Variants in DDX3X observed in about 807,000 individuals in gnomAD.
DDX3X encodes the protein DEAD-box helicase 3 X-linked.
DDX3X carries 4 observed loss-of-function variants against 52.7 expected under a neutral mutation model. That is an observed-to-expected ratio of 0.08 (90% CI 0.04 to 0.17). The LOEUF is 0.17. DDX3X is among the 10% of genes least tolerant of loss of function. DDX3X has a pLI of 1.00. For synonymous variants in DDX3X, 192 were observed against 178.1 expected (o/e 1.08, Z -0.62); for missense variants, 222 against 548.6 (o/e 0.40, Z 5.95).
At position 41,347,827 on chromosome X, in the gene DDX3X, G is replaced by A; in HGVS notation, c.*108G>A. The A allele has an allele frequency of 1.9e-6, 1 of 521,163 alleles. No individual in the cohort carries two copies. The highest frequency in any genetic ancestry group is 3.1e-6 in the Non-Finnish European group (1 of 320,016). 42.9% of individuals were successfully genotyped at this position (521,163 alleles called of 1,213,427 possible). On this transcript the variant is annotated 3_prime_UTR_variant, in exon 17 of 17. Transcript: ENST00000644876. The stretch of plus-strand genomic sequence containing the variant: ...TTCAAGAACTCGCAGTACATTACCA[G>A]CTGTGATTCTCCACTGAAATTTTTT...
At chrX:41,353,297 C>CAAAAAAAAAAA (rs61067509), downstream of DDX3X, among the ~76,000 whole-genome samples, 48 of 45,491 alleles carry the variant, frequency 1.1e-3, no homozygotes, top group East Asian at 1.6e-3. Flanking sequence ...ACTAAAAATA[C>CAAAAAAAAAAA]AAAAAAAAAA....
At chrX:41,343,625 A>G (rs1326875703) in intron 7 of DDX3X, 112 bp from the exon 8 acceptor site, 1 of 720,849 alleles carries the variant, frequency 1.4e-6, no homozygotes, top group Admixed American at 3.6e-5. Context: ...GGAAAACTTA[A>G]GCATAAACTA....
In DDX3X at chrX:41,342,605, A is replaced by T; in HGVS notation, c.395A>T (p.Asp132Val). 2 of 1,211,986 alleles carry T rather than the reference A, an allele frequency of 1.7e-6. No individual in the cohort carries two copies. The highest frequency in any genetic ancestry group is 2.2e-6 in the Non-Finnish European group (2 of 895,497). Residue 132 changes from aspartate to valine, a missense_variant, in exon 5 of 17, where the codon GAT becomes GTT. Physicochemically the swap from Asp to Val is radical, Grantham distance 152. This residue lies in a region of DDX3X where 93 missense variants were observed against 123.7 expected (regional missense o/e 0.75). Transcript: ENST00000644876. ...GGNSRWCDKS[D>V]EDDWSKPLPP... ...AACAGTCGCTGGTGTGACAAATCAG[A>T]TGAAGATGATTGGTCAAAACCACTC... is the stretch of plus-strand genomic sequence containing the variant.
intron 1 of DDX3X, chrX:41,334,863 C>T (rs1028485147): frequency 3.2e-6 from 2 of 626,354 alleles, no homozygotes; most frequent in African/African-American, 4.9e-5. Flanking sequence ...CGCTGTGGCT[C>T]ACCTCCGGGA....
intron 7 of DDX3X, 66 bp downstream of exon 7, chrX:41,343,417 T>G: frequency 1.9e-6 from 2 of 1,027,125 alleles, no homozygotes; most frequent in Non-Finnish European, 2.6e-6. Context: ...ATAAAATATT[T>G]TATTTTTTAT....
At chrX:41,352,113 A>T (rs1049722723), downstream of DDX3X, among the ~76,000 whole-genome samples, 1 of 108,837 alleles carries the variant, frequency 9.2e-6, no homozygotes, top group Non-Finnish European at 1.9e-5. Flanking sequence ...TGACAAATGG[A>T]TAAACTAAAT....
chrX:41,334,179 G>A lies in DDX3X; in HGVS notation c.-74G>A. The A allele has an allele frequency of 2.8e-6, 3 of 1,087,119 alleles. No homozygotes were observed. Among genetic ancestry groups the A allele is most frequent in the East Asian group, 3.1e-5 (1 of 32,119 alleles). The allele number at this position is 1,087,119 out of a possible 1,213,427, so 89.6% of individuals were successfully genotyped here. On this transcript the variant is annotated 5_prime_UTR_variant, in exon 1 of 17. It adds an upstream start codon to the 5' untranslated region. Transcript: ENST00000644876. ...TGCGCTCCAGAGCCGCAGTTCTCCC[G>A]TGAGAGGGCCTTCGCGGTGGAACAA...
At chrX:41,339,335 GTGT>G (rs2063815203) in intron 3 of DDX3X, 2 of 166,726 alleles carry the variant, frequency 1.2e-5, no homozygotes, top group South Asian at 3.0e-4. Context: ...AGTTTCACTA[GTGT>G]TGTGCTGAAT....
chrX:41,346,782 A>G, intron 14 of DDX3X, 77 bp from the exon 15 acceptor site: 1 of 1,017,222 alleles, frequency 9.8e-7, no homozygotes, highest in Non-Finnish European at 1.3e-6. Flanking sequence ...AAATATTTCT[A>G]CGTAGGAAAG....
At position 41,356,521 on chromosome X, in the gene DDX3X, C is replaced by T. The variant is rs769443705; in HGVS notation, c.655-7753C>T. Reference sequence around the variant, plus strand: ...GTTGCCAGGCTGGAGTGCAGTGGTACGATCTCGGCTCACTGCAACCTCTGC... The same window carrying T: ...GTTGCCAGGCTGGAGTGCAGTGGTATGATCTCGGCTCACTGCAACCTCTGC... On this transcript the variant is annotated intron_variant, in intron 5 of 5. Coordinates refer to the DDX3X transcript ENST00000616050. Among the ~76,000 whole-genome samples the T allele has an allele frequency of 7.7e-5, 7 of 90,866 alleles. No homozygotes were observed. In the South Asian group the frequency reaches 2.3e-3, roughly 29 times the overall value. The allele number at this position is 90,866 out of a possible 115,157, so 78.9% of individuals were successfully genotyped here. A position where few individuals can be genotyped will look rare whatever the true frequency, so the allele number is the denominator to read the frequency against.
downstream of DDX3X, among the ~76,000 whole-genome samples, chrX:41,353,605 TA>T (rs60207564): frequency 0.012 from 1,044 of 88,316 alleles, 9 homozygotes; most frequent in African/African-American, 0.031. Flanking sequence ...CCGTCTCTAC[TA>T]AAAAAAAAAA....
intron 5 of DDX3X, among the ~76,000 whole-genome samples, chrX:41,362,070 G>T (rs1383378926): frequency 4.9e-5 from 4 of 81,991 alleles, no homozygotes; most frequent in Non-Finnish European, 9.1e-5. Context: ...AAAATCCTGA[G>T]CCAAATAATT....
intron 5 of DDX3X, among the ~76,000 whole-genome samples, chrX:41,361,231 G>A (rs902242875): frequency 9.1e-6 from 1 of 109,320 alleles, no homozygotes; most frequent in African/African-American, 3.3e-5. Flanking sequence ...AGTCACAGTC[G>A]GCCGGGCATG....
chrX:41,350,353 A>C (rs1196183303), downstream of DDX3X: 1 of 112,418 alleles, frequency 8.9e-6, no homozygotes, highest in Non-Finnish European at 1.9e-5. Flanking sequence ...CTCATACCAT[A>C]AGTATTTGCA....
In DDX3X at chrX:41,342,227, A is replaced by T. The variant is rs1416577571; in HGVS notation, c.285-268A>T. On this transcript the variant is annotated intron_variant, in intron 4 of 16. Transcript: ENST00000644876. ...GGTTGTGAGCTGTGTGCCGATTTCAAATAAAATCCTTATTCTTAATTTTGG... is the reference window on the plus strand; with the variant it reads ...GGTTGTGAGCTGTGTGCCGATTTCATATAAAATCCTTATTCTTAATTTTGG... 1.7e-5 allele frequency: 5 copies of T among 291,848 alleles called. No individual in the cohort carries two copies. The East Asian group carries it at 3.0e-4, about 18-fold the overall frequency. The allele number at this position is 291,848 out of a possible 1,213,427, so 24.1% of individuals were successfully genotyped here.
chrX:41,346,392 A>C lies in DDX3X; in HGVS notation c.1479A>C (p.Pro493=). 1 of 1,210,128 alleles carries C rather than the reference A, an allele frequency of 8.3e-7. No homozygotes were observed. Among genetic ancestry groups the C allele is most frequent in the Non-Finnish European group, 1.1e-6 (1 of 894,694 alleles). The change falls in exon 13 of 17, where the codon CCA becomes CCC. Residue 493 remains proline, a synonymous_variant. Transcript: ENST00000644876. ...ALHQFRSGKS[P]ILVATAVAAR... is the part of the protein sequence containing the mutation. The stretch of plus-strand genomic sequence containing the variant: ...ACCAGTTCCGCTCAGGAAAAAGCCC[A>C]ATTTTAGTGGCTACAGCAGTATGTA...
At chrX:41,351,758 T>G (rs1309293945), downstream of DDX3X, 1 of 111,745 alleles carries the variant, frequency 8.9e-6, no homozygotes, top group Non-Finnish European at 1.9e-5. Flanking sequence ...TCCTCTATAA[T>G]GACTACTCTT....
chrX:41,334,890 C>A, intron 1 of DDX3X: 2 of 435,464 alleles, frequency 4.6e-6, no homozygotes, highest in Non-Finnish European at 6.2e-6. Flanking sequence ...GGGTCTCGGG[C>A]GGGCGAAGGC....
At chrX:41,356,872 G>A (rs1210798815) in intron 5 of DDX3X, among the ~76,000 whole-genome samples, 11 of 106,324 alleles carry the variant, frequency 1.0e-4, no homozygotes, top group African/African-American at 3.1e-4. Flanking sequence ...TCACAATTCC[G>A]TTTCATTAAT....
Sources: allele counts gnomAD v4.1 joint callset (sites outside exome capture counted in the v4.1 genomes callset), GRCh38; gene constraint gnomAD v4.1.1; regional missense constraint gnomAD v4.1.1; transcripts MANE v1.5; gene names NCBI Gene and HGNC (gene_info 2026-07-23, HGNC 2026-07-21).